Variants in CYP2U1 observed in about 807,000 individuals in gnomAD.
The protein encoded by CYP2U1 is cytochrome P450 family 2 subfamily U member 1.
In CYP2U1, 28 loss-of-function variants were observed where a neutral mutation model predicts 42.8. The observed-to-expected ratio is 0.65, with a 90% confidence interval of 0.48 to 0.90. CYP2U1 has a LOEUF of 0.90. CYP2U1 is among the 40% of genes least tolerant of loss of function. The probability of loss-of-function intolerance (pLI) is 0.00; values close to 1 mark genes in which losing one functional copy is unlikely to be tolerated. For missense variants in CYP2U1, 642 were observed against 693.8 expected (o/e 0.93, Z 0.84); for synonymous variants, 296 against 278.9 (o/e 1.06, Z -0.61).
rs1733004501 is a variant in CYP2U1 at position 107,931,963 on chromosome 4, T to C, written c.320T>C (p.Leu107Pro). ...TCGGTCATAGGCCCGCAGGTGCTCCTGGCTCACCTAGCCCGCGTGTACGGC... is the reference window on the plus strand; with the variant it reads ...TCGGTCATAGGCCCGCAGGTGCTCCCGGCTCACCTAGCCCGCGTGTACGGC... Reference protein sequence around the residue: ...DPSVIGPQVLLAHLARVYGSI... With the variant: ...DPSVIGPQVLPAHLARVYGSI... Residue 107 changes from leucine (L) to proline (P), a missense_variant, in exon 1 of 5, where the codon CTG (leucine) becomes CCG (proline). By Grantham distance (98) the Leu-to-Pro change is moderately conservative. Transcript: ENST00000332884. 1.3e-6 allele frequency: 2 copies of C among 1,551,808 alleles called. No individual in the cohort carries two copies. The highest frequency in any genetic ancestry group is 1.7e-6 in the Non-Finnish European group (2 of 1,147,284).
At chr4:107,949,581 T>C in intron 4 of CYP2U1, 64 bp downstream of exon 4, 2 of 1,282,898 alleles carry the variant, frequency 1.6e-6, no homozygotes, top group Non-Finnish European at 2.0e-6. Context: ...AATATTTTAT[T>C]ATTTCATGTT....
Position 107,944,852 on chromosome 4 carries a change from T to A in CYP2U1, c.491-118T>A, listed in dbSNP as rs13104867. 8.3e-3 allele frequency: 834 copies of A among 100,450 alleles called. 58 individuals carry two copies. The highest frequency in any genetic ancestry group is 0.014 in the African/African-American group (217 of 15,456). 6.2% of individuals were successfully genotyped at this position (100,450 alleles called of 1,614,324 possible). ...TCTTTATATATACATATATATATAT[T>A]TATATGAGGAATTTTCCATAAGTGA... On this transcript the variant is annotated intron_variant, in intron 1 of 4. Coordinates refer to ENST00000332884, the MANE Select transcript of CYP2U1 (RefSeq NM_183075.3).
rs80203932 is a variant in CYP2U1 at position 107,950,555 on chromosome 4, G to A, written c.*132G>A. On this transcript the variant is annotated 3_prime_UTR_variant, in exon 5 of 5. Coordinates refer to ENST00000332884, the MANE Select transcript of CYP2U1 (RefSeq NM_183075.3). ...AGCTGGGCTCAGAGGTCGGAAGGAGGGTAGAGCACACTGGGAGGTTTCATC... is the reference window on the plus strand; with the variant it reads ...AGCTGGGCTCAGAGGTCGGAAGGAGAGTAGAGCACACTGGGAGGTTTCATC... The A allele has an allele frequency of 2.6e-4, 235 of 920,684 alleles. 1 individual carries two copies. The African/African-American group carries it at 3.6e-3, about 14-fold the overall frequency. The allele number at this position is 920,684 out of a possible 1,614,324, so 57.0% of individuals were successfully genotyped here. A position where few individuals can be genotyped will look rare whatever the true frequency, so the allele number is the denominator to read the frequency against.
Position 107,951,082 on chromosome 4 carries a change from T to C in CYP2U1, c.*659T>C, listed in dbSNP as rs1733890240. On this transcript the variant is annotated 3_prime_UTR_variant, in exon 5 of 5. Transcript: ENST00000332884. ...TACTTTTTGTAGATGTGGGATGAAGTGGACTCTGTCGTGTATATTGAGGAA... is the reference window on the plus strand; with the variant it reads ...TACTTTTTGTAGATGTGGGATGAAGCGGACTCTGTCGTGTATATTGAGGAA... 6.6e-6 allele frequency: 1 copy of C among 152,232 alleles called. No individual in the cohort carries two copies. The highest frequency in any genetic ancestry group is 2.1e-4 in the South Asian group (1 of 4,832). 9.4% of individuals were successfully genotyped at this position (152,232 alleles called of 1,614,324 possible). A position where few individuals can be genotyped will look rare whatever the true frequency, so the allele number is the denominator to read the frequency against.
rs1442759515 is a variant in CYP2U1, at chr4:107,950,404, T to A, written c.1616T>A (p.Ile539Lys). ...GLTLAPHPFN[I>K]TISRR ...ACTTTAGCCCCACATCCATTTAATA[T>A]AACTATTTCAAGGAGATGAAGAGCA... The change falls in exon 5 of 5, where the codon ATA (isoleucine) becomes AAA (lysine). Residue 539 changes from isoleucine to lysine, a missense_variant. Coordinates refer to ENST00000332884, the MANE Select transcript of CYP2U1 (RefSeq NM_183075.3). 4 of 1,609,924 alleles carry A rather than the reference T, an allele frequency of 2.5e-6. No individual in the cohort carries two copies. Among genetic ancestry groups the A allele is most frequent in the Non-Finnish European group, 3.4e-6 (4 of 1,179,022 alleles).
Position 107,947,417 on chromosome 4 carries a change from C to A in CYP2U1, c.1168C>A (p.Arg390=), listed in dbSNP as rs772400670. ...EEIERVIGAN[R]APSLTDKAQM... ...AATTGAAAGAGTCATTGGCGCCAAC[C>A]GAGCTCCTTCCCTCACAGACAAGGC... The change falls in exon 3 of 5, where the codon CGA becomes AGA. Residue 390 remains arginine (R), a synonymous_variant. Coordinates refer to ENST00000332884, the MANE Select transcript of CYP2U1 (RefSeq NM_183075.3). The A allele has an allele frequency of 1.2e-6, 2 of 1,614,130 alleles. No individual in the cohort carries two copies. The highest frequency in any genetic ancestry group is 2.2e-5 in the South Asian group (2 of 91,076).
At chr4:107,939,622 T>A (rs1483770110) in intron 1 of CYP2U1, among the ~76,000 whole-genome samples, 1 of 152,142 alleles carries the variant, frequency 6.6e-6, no homozygotes, top group East Asian at 1.9e-4. Flanking sequence ...CAGTGGAGTA[T>A]GAGAGGACAG....
At position 107,931,621 on chromosome 4, in the gene CYP2U1, C is replaced by T. The variant is rs533433004; in HGVS notation, c.-23C>T. Reference sequence around the variant, plus strand: ...GTCTCCTCCAGGCAGCAAGGGGAACCCGAGGCCGCCGGCGCCCGGACCATG... The same window carrying T: ...GTCTCCTCCAGGCAGCAAGGGGAACTCGAGGCCGCCGGCGCCCGGACCATG... On this transcript the variant is annotated 5_prime_UTR_variant, in exon 1 of 5. Transcript: ENST00000332884. The T allele has an allele frequency of 1.0e-5, 13 of 1,251,296 alleles. No individual in the cohort carries two copies. The highest frequency in any genetic ancestry group is 1.3e-5 in the Non-Finnish European group (13 of 1,001,526). 77.5% of individuals were successfully genotyped at this position (1,251,296 alleles called of 1,614,324 possible).
rs369116680 is a variant in CYP2U1 at position 107,945,367 on chromosome 4, T to C, written c.888T>C (p.Ser296=). The C allele has an allele frequency of 9.3e-6, 15 of 1,613,882 alleles. No individual in the cohort carries two copies. In the East Asian group the frequency reaches 2.5e-4, roughly 26 times the overall value. The change falls in exon 2 of 5, where the codon AGT becomes AGC. Residue 296 remains serine, a synonymous_variant. Transcript: ENST00000332884. ...ELRQIEKDIT[S]FLKKIIKDHQ... The stretch of plus-strand genomic sequence containing the variant: ...GACAAATTGAAAAGGATATAACCAG[T>C]TTCCTTAAAAAAATCATCAAAGACC...
chr4:107,943,111 T>C (rs1457109772), intron 1 of CYP2U1, among the ~76,000 whole-genome samples: 1 of 152,232 alleles, frequency 6.6e-6, no homozygotes, highest in African/African-American at 2.4e-5. Context: ...TCTGACCCAC[T>C]GGTAACAATC....
rs117833622 is a variant in CYP2U1, at chr4:107,952,004, G to A, written c.*1581G>A. 3 of 152,308 alleles carry A rather than the reference G, an allele frequency of 2.0e-5. No individual in the cohort carries two copies. The East Asian group carries it at 5.8e-4, about 29-fold the overall frequency. 9.4% of individuals were successfully genotyped at this position (152,308 alleles called of 1,614,324 possible). A position where few individuals can be genotyped will look rare whatever the true frequency, so the allele number is the denominator to read the frequency against. ...TCTGCCACCACTTGATCCCATAACA[G>A]GCTACCCCTTGGCCTCATGCTGGAG... On this transcript the variant is annotated 3_prime_UTR_variant, in exon 5 of 5. Coordinates refer to ENST00000332884, the MANE Select transcript of CYP2U1 (RefSeq NM_183075.3).
At chr4:107,935,519 C>T (rs1733227267) in intron 1 of CYP2U1, 1 of 152,090 alleles carries the variant, frequency 6.6e-6, no homozygotes, top group South Asian at 2.1e-4. Flanking sequence ...GAAGTAAATG[C>T]TTGTGGAGTT....
rs1173642489 is a variant in CYP2U1 at position 107,953,419 on chromosome 4, C to T, written c.*2996C>T. ...CTAATATCTCATTTTTGATTCTCAT[C>T]GTTAGCACAGTTTTGTTGCTTTTAT... On this transcript the variant is annotated 3_prime_UTR_variant, in exon 5 of 5. Coordinates refer to ENST00000332884, the MANE Select transcript of CYP2U1 (RefSeq NM_183075.3). The T allele has an allele frequency of 1.3e-5, 2 of 152,134 alleles. No individual in the cohort carries two copies. Among genetic ancestry groups the T allele is most frequent in the African/African-American group, 4.8e-5 (2 of 41,424 alleles). The allele number at this position is 152,134 out of a possible 1,614,324, so 9.4% of individuals were successfully genotyped here.
intron 1 of CYP2U1, among the ~76,000 whole-genome samples, chr4:107,932,449 T>C (rs1325969975): frequency 1.3e-5 from 2 of 152,208 alleles, no homozygotes; most frequent in Admixed American, 1.3e-4. Context: ...TTTCCAAAAG[T>C]AGCCTTCCCT....
chr4:107,932,323 T>C (rs1733039567), intron 1 of CYP2U1, 190 bp downstream of exon 1: 1 of 597,972 alleles, frequency 1.7e-6, no homozygotes, highest in African/African-American at 2.0e-5. Flanking sequence ...TCCCATCAAG[T>C]AGTGACGGAC....
Position 107,950,597 on chromosome 4 carries a change from C to A in CYP2U1, c.*174C>A. 1.8e-6 allele frequency: 1 copy of A among 541,198 alleles called. No homozygotes were observed. The highest frequency in any genetic ancestry group is 3.0e-6 in the Non-Finnish European group (1 of 330,056). The allele number at this position is 541,198 out of a possible 1,614,324, so 33.5% of individuals were successfully genotyped here. On this transcript the variant is annotated 3_prime_UTR_variant, in exon 5 of 5. Coordinates refer to ENST00000332884, the MANE Select transcript of CYP2U1 (RefSeq NM_183075.3). Reference sequence around the variant, plus strand: ...GGTTTCATCTTGGAGGATTCCTCAGCAGGATACTTCAGCCATTTTAGTAAT... The same window carrying A: ...GGTTTCATCTTGGAGGATTCCTCAGAAGGATACTTCAGCCATTTTAGTAAT...
In CYP2U1 at chr4:107,932,163, G is replaced by A. The variant is rs756343727; in HGVS notation, c.490+30G>A. 29 of 1,578,354 alleles carry A rather than the reference G, an allele frequency of 1.8e-5. No homozygotes were observed. In the East Asian group the frequency reaches 6.4e-4, roughly 35 times the overall value. On this transcript the variant is annotated intron_variant, in intron 1 of 4. Coordinates refer to ENST00000332884, the MANE Select transcript of CYP2U1 (RefSeq NM_183075.3). ...GCGGGAGGTCGTGGGCTGTGGGTAC[G>A]CGGATGCCGCGGATGAGTCTCCAGG...
chr4:107,944,454 C>T (rs1186732287), intron 1 of CYP2U1, among the ~76,000 whole-genome samples: 3 of 151,180 alleles, frequency 2.0e-5, no homozygotes, highest in African/African-American at 7.3e-5. Flanking sequence ...CAGATGCATG[C>T]CACCACACCC....
At position 107,943,657 on chromosome 4, in the gene CYP2U1, T is replaced by TA. The variant is rs1487030939; in HGVS notation, c.491-1313_491-1312insA. The stretch of plus-strand genomic sequence containing the variant: ...AGTGGAACTGATAAATTGTCTGGTA[T>TA]GTTTGACTGCATGGATGTTTACATT... On this transcript the variant is annotated intron_variant, in intron 1 of 4. Transcript: ENST00000332884. 5.9e-5 allele frequency among the ~76,000 whole-genome samples: 9 copies of TA among 152,254 alleles called. No individual in the cohort carries two copies. The East Asian group carries it at 1.7e-3, about 29-fold the overall frequency.
Sources: gnomAD v4.1 joint callset for allele counts (sites outside exome capture counted in the v4.1 genomes callset) on GRCh38, gnomAD v4.1.1 for gene constraint, MANE v1.5 for transcripts, NCBI Gene and HGNC (gene_info 2026-07-23, HGNC 2026-07-21) for gene names.